The following BRCA1 variants were observed in gnomAD, a reference collection of about 807,000 sequenced individuals.
BRCA1 encodes breast cancer type 1 susceptibility protein.
In BRCA1, 140 loss-of-function variants were observed where a neutral mutation model predicts 173.7. That is an observed-to-expected ratio of 0.81 (90% confidence interval 0.70 to 0.93). The LOEUF is 0.93. BRCA1 is among the 40% of genes least tolerant of loss of function. The pLI is 0.00. For synonymous variants in BRCA1, 662 were observed against 756.0 expected (o/e 0.88, Z 2.04); for missense variants, 1,983 against 2,172.5 (o/e 0.91, Z 1.73).
chr17:43,127,916 G>A (rs1387091284), upstream of BRCA1, among the ~76,000 whole-genome samples: 1 of 151,566 alleles, frequency 6.6e-6, no homozygotes, highest in Non-Finnish European at 1.5e-5. Context: ...CCCCTCTACT[G>A]GGGAGGTTGA....
chr17:43,051,188 G>A (rs2051221672), intron 19 of BRCA1, 71 bp from the exon 20 acceptor site: 3 of 1,407,914 alleles, frequency 2.1e-6, no homozygotes, highest in South Asian at 2.3e-5. Flanking sequence ...AAAGAATATT[G>A]GCTTTTATTC....
At position 43,091,785 on chromosome 17, in the gene BRCA1, G is replaced by C. The variant is rs80357099; in HGVS notation, c.3746C>G (p.Thr1249Ser). Residue 1249 changes from threonine to serine, a missense_variant, in exon 10 of 23, where the codon ACC becomes AGC. Physicochemically the swap from Thr to Ser is moderately conservative, Grantham distance 58. Transcript: ENST00000357654. ...SQSTRHSTVA[T>S]ECLSKNTEEN... is the part of the protein sequence containing the mutation. The stretch of plus-strand genomic sequence containing the variant: ...CTCTGTGTTCTTAGACAGACACTCG[G>C]TAGCAACGGTGCTATGCCTAGTAGA... 7 of 1,614,156 alleles carry C rather than the reference G, an allele frequency of 4.3e-6. No individual in the cohort carries two copies. In the African/African-American group the frequency reaches 6.7e-5, roughly 15 times the overall value.
At position 43,152,650 on chromosome 17, in the gene BRCA1, C is replaced by G. The variant is rs569102925; in HGVS notation, c.-20+17476G>C. On this transcript the variant is annotated intron_variant, in intron 1 of 7. Coordinates refer to the BRCA1 transcript ENST00000634433. ...TGGGCGGATCACAAGGTTAGGAGAT[C>G]GAGACCATCCTGGCTAACACAGTGA... Among the ~76,000 whole-genome samples, 47 of 152,096 alleles carry G rather than the reference C, an allele frequency of 3.1e-4. 1 individual carries two copies. The highest frequency in any genetic ancestry group is 2.5e-3 in the Admixed American group (38 of 15,268).
chr17:43,125,417 T>A (rs993065651), upstream of BRCA1: 5 of 378,092 alleles, frequency 1.3e-5, no homozygotes, highest in African/African-American at 1.1e-4. Flanking sequence ...CCCGCGCTTT[T>A]CCGTTGCCAC....
chr17:43,073,103 A>C (rs144440811), intron 14 of BRCA1, among the ~76,000 whole-genome samples: 1 of 152,010 alleles, frequency 6.6e-6, no homozygotes, highest in Non-Finnish European at 1.5e-5. Flanking sequence ...AGGCCAAGGT[A>C]GGAAGATTGC....
intron 14 of BRCA1, among the ~76,000 whole-genome samples, chr17:43,072,993 A>C (rs2052523619): frequency 6.6e-6 from 1 of 151,788 alleles, no homozygotes; most frequent in Admixed American, 6.6e-5. Context: ...CTGAGATTAC[A>C]GGCATGAGCA....
intron 11 of BRCA1, among the ~76,000 whole-genome samples, chr17:43,090,282 G>A (rs532235452): frequency 3.1e-4 from 47 of 152,268 alleles, no homozygotes; most frequent in African/African-American, 1.0e-3. Flanking sequence ...GCTATGCAGA[G>A]TCCCTTGAAT....
chr17:43,152,976 A>G (rs920504772), intron 1 of BRCA1, among the ~76,000 whole-genome samples: 2 of 152,152 alleles, frequency 1.3e-5, no homozygotes, highest in Non-Finnish European at 2.9e-5. Flanking sequence ...CGGAGGTTGC[A>G]GTGAGCCGAG....
chr17:43,111,314 GTT>G (rs1429234555), intron 3 of BRCA1, among the ~76,000 whole-genome samples: 2 of 151,992 alleles, frequency 1.3e-5, no homozygotes, highest in Non-Finnish European at 2.9e-5. Flanking sequence ...GAGGTCAGGA[GTT>G]TTGGACCAGC....
At chr17:43,138,715 A>G (rs532881267) in intron 1 of BRCA1, 3 of 779,332 alleles carry the variant, frequency 3.8e-6, no homozygotes, top group Non-Finnish European at 7.2e-6. Context: ...TGCTGCCAAT[A>G]AAAGGTAGTC....
chr17:43,077,571 T>A (rs1456652960), intron 12 of BRCA1, among the ~76,000 whole-genome samples: 1 of 152,106 alleles, frequency 6.6e-6, no homozygotes, highest in Non-Finnish European at 1.5e-5. Flanking sequence ...TGACCTCAAG[T>A]GATCCACCCG....
At chr17:43,148,142 G>T (rs2056135420) in intron 1 of BRCA1, among the ~76,000 whole-genome samples, 1 of 152,184 alleles carries the variant, frequency 6.6e-6, no homozygotes, top group African/African-American at 2.4e-5. Flanking sequence ...TGTAAAAATT[G>T]CCAGACTAGT....
At chr17:43,063,843 G>A in intron 17 of BRCA1, 31 bp downstream of exon 17, 1 of 1,573,376 alleles carries the variant, frequency 6.4e-7, no homozygotes, top group South Asian at 1.1e-5. Context: ...AGGTGTTAAA[G>A]GGAGGAGGGG....
chr17:43,163,390 CGTT>C (rs1016788677), intron 1 of BRCA1: 7 of 152,172 alleles, frequency 4.6e-5, no homozygotes, highest in African/African-American at 1.2e-4. Context: ...ATGAAAACCT[CGTT>C]GTTGTTGGTT....
At position 43,057,123 on chromosome 17, in the gene BRCA1, C is replaced by A. The variant is rs377595653; in HGVS notation, c.5206G>T (p.Val1736Phe). ...CTTCCATTGACCACATCTCCTCTGA[C>A]TTCAAAATCATGCTGAAAGAAACCA... The part of the protein sequence containing the change: ...RKMLNEHDFE[V>F]RGDVVNGRNH... Residue 1736 changes from valine (V) to phenylalanine (F), a missense_variant, in exon 19 of 23, where the codon GTC (valine) becomes TTC (phenylalanine). Val to Phe is a conservative substitution (Grantham distance 50). Transcript: ENST00000357654. 6.2e-7 allele frequency: 1 copy of A among 1,614,008 alleles called. No individual in the cohort carries two copies.
chr17:43,115,676 G>C, intron 3 of BRCA1, 50 bp downstream of exon 3: 4 of 1,568,618 alleles, frequency 2.6e-6, no homozygotes, highest in Non-Finnish European at 3.5e-6. Flanking sequence ...GGGTTATGAA[G>C]GACAAAAACA....
intron 4 of BRCA1, among the ~76,000 whole-genome samples, chr17:43,105,449 C>T (rs1432267501): frequency 6.6e-6 from 1 of 152,034 alleles, no homozygotes; most frequent in Non-Finnish European, 1.5e-5. Flanking sequence ...CTATGTTGCC[C>T]AGGCTGATTT....
At chr17:43,108,706 CAAAAAAAAAA>C (rs35561635) in intron 3 of BRCA1, among the ~76,000 whole-genome samples, 2 of 16,088 alleles carry the variant, frequency 1.2e-4, no homozygotes, top group Admixed American at 8.8e-4. Flanking sequence ...GACTCTGTCT[CAAAAAAAAAA>C]AAAAAAAAAA....
intron 1 of BRCA1, among the ~76,000 whole-genome samples, chr17:43,150,733 T>TA (rs911476556): frequency 1.7e-4 from 25 of 150,398 alleles, no homozygotes; most frequent in East Asian, 4.0e-4. Flanking sequence ...GAGCTCTAGC[T>TA]AAAAAAAAAC....
Sources: gnomAD v4.1 joint callset for allele counts (sites outside exome capture counted in the v4.1 genomes callset) on GRCh38, gnomAD v4.1.1 for gene constraint, MANE v1.5 for transcripts, NCBI Gene and HGNC (gene_info 2026-07-23, HGNC 2026-07-21) for gene names.